SPAG16: variants seen among roughly 807,000 people sequenced by gnomAD.
SPAG16 encodes sperm-associated antigen 16 protein.
A neutral mutation model predicts 80.4 loss-of-function variants in SPAG16; 86 were observed. That is an observed-to-expected ratio of 1.07 (90% CI 0.90 to 1.28). The LOEUF (loss-of-function observed/expected upper bound fraction) is 1.28, where lower values mean the gene tolerates loss of function less well. Among genes scored for constraint, SPAG16 ranks in the 50% most tolerant of loss-of-function variants. The pLI, the probability that SPAG16 is intolerant of heterozygous loss-of-function variation, is 0.00. For synonymous variants in SPAG16, 294 were observed against 265.9 expected, an observed-to-expected ratio of 1.11 and a Z score of -1.03; for missense variants, 870 against 765.3, an observed-to-expected ratio of 1.14 and a Z score of -1.61.
At chr2:214,246,554 A>G (rs112128946) in intron 15 of SPAG16, among the ~76,000 whole-genome samples, 2,757 of 152,224 alleles carry the variant, frequency 0.018, 56 homozygotes, top group African/African-American at 0.043. Context: ...GACTATGCTT[A>G]GTCCACTGTG....
chr2:213,441,719 T>A (rs949819159), intron 9 of SPAG16, among the ~76,000 whole-genome samples: 1 of 152,244 alleles, frequency 6.6e-6, no homozygotes, highest in Non-Finnish European at 1.5e-5. Context: ...ACATGATTAC[T>A]TATGTAGAAG....
At chr2:214,396,849 G>A (rs1218393951) in intron 15 of SPAG16, among the ~76,000 whole-genome samples, 1 of 151,908 alleles carries the variant, frequency 6.6e-6, no homozygotes, top group Non-Finnish European at 1.5e-5. Flanking sequence ...TTTTGAACAT[G>A]TGCAAAGTTG....
intron 13 of SPAG16, among the ~76,000 whole-genome samples, chr2:214,041,435 G>A (rs894621339): frequency 7.1e-6 from 1 of 141,514 alleles, no homozygotes; most frequent in East Asian, 2.2e-4. Flanking sequence ...GTCTAGGTTG[G>A]TGATTTGTAG....
At chr2:213,387,658 T>G (rs529700587) in intron 9 of SPAG16, among the ~76,000 whole-genome samples, 111 of 149,614 alleles carry the variant, frequency 7.4e-4, no homozygotes, top group African/African-American at 2.7e-3. Context: ...GTTTCACCAT[T>G]TTGGCCGGGA....
intron 15 of SPAG16, among the ~76,000 whole-genome samples, chr2:214,267,030 C>A: frequency 6.6e-6 from 1 of 151,102 alleles, no homozygotes; most frequent in East Asian, 1.9e-4. Flanking sequence ...TCTATAGATT[C>A]AATGTAATAA....
chr2:214,133,945 G>C (rs1391674605), intron 14 of SPAG16, among the ~76,000 whole-genome samples: 1 of 152,176 alleles, frequency 6.6e-6, no homozygotes, highest in Non-Finnish European at 1.5e-5. Context: ...TGACATTGAG[G>C]TACGTGGGGA....
chr2:214,293,468 G>A (rs1188353473), intron 15 of SPAG16, among the ~76,000 whole-genome samples: 2 of 152,148 alleles, frequency 1.3e-5, no homozygotes, highest in Non-Finnish European at 2.9e-5. Flanking sequence ...TGGAATGTGT[G>A]CTTGGGTACT....
At chr2:214,357,269 T>C (rs1183878893) in intron 15 of SPAG16, among the ~76,000 whole-genome samples, 1 of 151,922 alleles carries the variant, frequency 6.6e-6, no homozygotes, top group Non-Finnish European at 1.5e-5. Flanking sequence ...CAATGGATTA[T>C]TATGTCATTT....
chr2:213,999,383 A>T (rs1335824984), intron 12 of SPAG16, among the ~76,000 whole-genome samples: 1 of 152,240 alleles, frequency 6.6e-6, no homozygotes, highest in Non-Finnish European at 1.5e-5. Flanking sequence ...TGTTGAGCCT[A>T]CAAGTAAACA....
chr2:213,978,382 T>G (rs78153551), intron 12 of SPAG16, among the ~76,000 whole-genome samples: 1 of 152,118 alleles, frequency 6.6e-6, no homozygotes, highest in Non-Finnish European at 1.5e-5. Flanking sequence ...AAAATTTTCC[T>G]TTCTTTCCCT....
intron 11 of SPAG16, among the ~76,000 whole-genome samples, chr2:213,892,108 G>A (rs2076805860): frequency 6.6e-6 from 1 of 152,076 alleles, no homozygotes; most frequent in South Asian, 2.1e-4. Flanking sequence ...TGACTGTATA[G>A]CAGCACCACA....
At chr2:213,443,175 G>A (rs978306150) in intron 9 of SPAG16, among the ~76,000 whole-genome samples, 1 of 152,092 alleles carries the variant, frequency 6.6e-6, no homozygotes, top group Non-Finnish European at 1.5e-5. Flanking sequence ...TGTGGTGAGA[G>A]TACCTAATAT....
At chr2:213,787,255 C>T (rs527263965) in intron 10 of SPAG16, among the ~76,000 whole-genome samples, 1 of 152,186 alleles carries the variant, frequency 6.6e-6, no homozygotes, top group East Asian at 1.9e-4. Context: ...AAATACAAGA[C>T]TTCATACTTT....
chr2:213,586,440 C>A (rs1559282560), intron 10 of SPAG16, among the ~76,000 whole-genome samples: 1 of 152,334 alleles, frequency 6.6e-6, no homozygotes, highest in East Asian at 1.9e-4. Context: ...CACCCAAAGG[C>A]ACCACCTCCT....
chr2:214,226,347 T>C (rs1309763323), intron 15 of SPAG16, among the ~76,000 whole-genome samples: 5 of 152,100 alleles, frequency 3.3e-5, no homozygotes, highest in Non-Finnish European at 7.4e-5. Context: ...AGTCTGATAA[T>C]GTCCTATTGG....
intron 10 of SPAG16, among the ~76,000 whole-genome samples, chr2:213,786,531 T>G (rs543932043): frequency 2.3e-4 from 35 of 152,324 alleles, no homozygotes; most frequent in African/African-American, 6.7e-4. Context: ...TATAATTATT[T>G]GCTATCATTT....
intron 10 of SPAG16, among the ~76,000 whole-genome samples, chr2:213,609,068 A>G (rs930500334): frequency 6.6e-6 from 1 of 152,262 alleles, no homozygotes; most frequent in Non-Finnish European, 1.5e-5. Context: ...TATAAAAATT[A>G]CATAAGTCAT....
intron 10 of SPAG16, among the ~76,000 whole-genome samples, chr2:213,614,575 G>T (rs2061536135): frequency 6.6e-6 from 1 of 152,146 alleles, no homozygotes; most frequent in Non-Finnish European, 1.5e-5. Flanking sequence ...TGTTGTCCTG[G>T]GATAGTGGAT....
At chr2:214,335,219 T>C (rs1697198582) in intron 15 of SPAG16, among the ~76,000 whole-genome samples, 1 of 152,090 alleles carries the variant, frequency 6.6e-6, no homozygotes, top group Non-Finnish European at 1.5e-5. Context: ...AAGGAAGCTG[T>C]CTTTGGCCAA....
Sources: allele counts gnomAD v4.1 joint callset (sites outside exome capture counted in the v4.1 genomes callset), GRCh38; gene constraint gnomAD v4.1.1; transcripts MANE v1.5; gene names NCBI Gene and HGNC (gene_info 2026-07-23, HGNC 2026-07-21).